Variants in CEP192 observed in about 807,000 individuals in gnomAD.
CEP192 encodes the protein centrosomal protein 192, also known as centrosomal protein of 192 kDa.
CEP192 carries 151 observed loss-of-function variants against 271.8 expected under a neutral mutation model. The ratio of observed to expected loss-of-function variants is 0.56; its 90% CI spans 0.49 to 0.64. The LOEUF (loss-of-function observed/expected upper bound fraction) is 0.64, where lower values mean the gene tolerates loss of function less well. CEP192 is among the 30% of genes least tolerant of loss of function. The pLI is 0.00. For synonymous variants in CEP192, 995 were observed against 1,076.5 expected (o/e 0.92, Z 1.48); for missense variants, 2,910 against 3,020.5 (o/e 0.96, Z 0.86).
intron 3 of CEP192, among the ~76,000 whole-genome samples, chr18:13,004,933 G>A (rs187505184): frequency 3.5e-4 from 54 of 152,240 alleles, no homozygotes; most frequent in Admixed American, 8.5e-4. Flanking sequence ...TTTAGGTTAA[G>A]GAGGAGGAGA....
Position 13,068,181 on chromosome 18 carries a change from C to G in CEP192, c.4702C>G (p.Arg1568Gly). The change falls in exon 23 of 45, where the codon CGG becomes GGG. Residue 1568 changes from arginine to glycine, a missense_variant. Transcript: ENST00000506447. The stretch of plus-strand genomic sequence containing the variant: ...TGCTCCTTGCGCTGATGTGGTCACT[C>G]GGCTAGCAGGCCCTTCTGTGGTCAA... ...EVAPCADVVT[R>G]LAGPSVVNHM... 3 of 1,614,212 alleles carry G rather than the reference C, an allele frequency of 1.9e-6. No individual in the cohort carries two copies. Among genetic ancestry groups the G allele is most frequent in the Non-Finnish European group, 2.5e-6 (3 of 1,180,030 alleles).
At chr18:13,110,570 G>A (rs898826401) in intron 40 of CEP192, among the ~76,000 whole-genome samples, 3 of 152,006 alleles carry the variant, frequency 2.0e-5, no homozygotes, top group African/African-American at 7.3e-5. Flanking sequence ...TTCTCCAGAG[G>A]GACAGAACTA....
chr18:13,117,566 G>A lies in CEP192; in HGVS notation c.7417-19G>A, dbSNP rs763594185. 1.9e-6 allele frequency: 3 copies of A among 1,553,050 alleles called. No homozygotes were observed. Among genetic ancestry groups the A allele is most frequent in the East Asian group, 2.2e-5 (1 of 44,598 alleles). ...TCTAATTTTCATAACTTTATAAAGT[G>A]TCTTCTATTAAATTCCAGCTGAAGT... is the stretch of plus-strand genomic sequence containing the variant. On this transcript the variant is annotated intron_variant, in intron 43 of 44. Coordinates refer to ENST00000506447, the MANE Select transcript of CEP192 (RefSeq NM_032142.4).
intron 21 of CEP192, among the ~76,000 whole-genome samples, chr18:13,061,350 C>A (rs763502325): frequency 6.6e-6 from 1 of 152,198 alleles, no homozygotes; most frequent in Non-Finnish European, 1.5e-5. Flanking sequence ...TTAGTTTTTT[C>A]ATTCCACAAA....
Position 13,001,477 on chromosome 18 carries a change from C to T in CEP192, c.185C>T (p.Ser62Phe). The change falls in exon 3 of 45, where the codon TCT becomes TTT. Residue 62 changes from serine (S) to phenylalanine (F), a missense_variant. Physicochemically the swap from Ser to Phe is radical, Grantham distance 155. Coordinates refer to ENST00000506447, the MANE Select transcript of CEP192 (RefSeq NM_032142.4). ...TATAGGTATCCTGATATCCAGGCAT[C>T]TTACTTAGTAGAAGGGAGATTTTCA... ...TDNRYPDIQA[S>F]YLVEGRFSVP... The T allele has an allele frequency of 6.5e-7, 1 of 1,546,798 alleles. No individual in the cohort carries two copies. The highest frequency in any genetic ancestry group is 8.7e-7 in the Non-Finnish European group (1 of 1,143,972).
intron 9 of CEP192, among the ~76,000 whole-genome samples, chr18:13,020,398 C>T (rs1228909689): frequency 6.6e-6 from 1 of 152,174 alleles, no homozygotes; most frequent in Non-Finnish European, 1.5e-5. Context: ...CATGTCGTAG[C>T]ATATATCAAC....
intron 30 of CEP192, among the ~76,000 whole-genome samples, chr18:13,074,126 G>A (rs1157789070): frequency 6.6e-6 from 1 of 151,986 alleles, no homozygotes; most frequent in African/African-American, 2.4e-5. Flanking sequence ...AGTGGGGCTG[G>A]GGCTCAAATT....
At chr18:13,014,990 T>C (rs2034561404) in intron 5 of CEP192, among the ~76,000 whole-genome samples, 1 of 152,202 alleles carries the variant, frequency 6.6e-6, no homozygotes, top group African/African-American at 2.4e-5. Context: ...CTAGCTTTGC[T>C]GTTATCTTCA....
intron 30 of CEP192, among the ~76,000 whole-genome samples, chr18:13,080,052 T>C (rs1216758521): frequency 6.6e-6 from 1 of 152,194 alleles, no homozygotes; most frequent in Non-Finnish European, 1.5e-5. Flanking sequence ...TGTAGTATAG[T>C]TTGAAGTCAG....
Position 13,017,198 on chromosome 18 carries a change from T to C in CEP192, c.651T>C (p.Ile217=). Residue 217 remains isoleucine (I), a synonymous_variant, in exon 7 of 45, where the codon ATT becomes ATC. Coordinates refer to ENST00000506447, the MANE Select transcript of CEP192 (RefSeq NM_032142.4). ...TSLEDSSDDD[I]DDEMFYDDHL... The stretch of plus-strand genomic sequence containing the variant: ...CGATTTTATCAATAGATGATGATAT[T>C]GATGATGAAATGTTTTATGATGATC... The C allele has an allele frequency of 1.9e-6, 3 of 1,544,276 alleles. No homozygotes were observed. The highest frequency in any genetic ancestry group is 2.6e-6 in the Non-Finnish European group (3 of 1,144,816).
rs1213017669 is a variant in CEP192 at position 13,008,547 on chromosome 18, C to G, written c.382C>G (p.Pro128Ala). The change falls in exon 4 of 45, where the codon CCA becomes GCA. Residue 128 changes from proline (P) to alanine (A), a missense_variant. Transcript: ENST00000506447. ...AGCTTTACAAATGGAGACAGCAGGA[C>G]CAGAAGAGGAGCCAGCCGGAGCTAC... ...QSALQMETAG[P>A]EEEPAGATES... is the part of the protein sequence containing the mutation. 2 of 1,551,306 alleles carry G rather than the reference C, an allele frequency of 1.3e-6. No homozygotes were observed. The highest frequency in any genetic ancestry group is 2.7e-5 in the African/African-American group (2 of 73,018).
intron 15 of CEP192, among the ~76,000 whole-genome samples, chr18:13,042,815 A>G (rs960510611): frequency 3.3e-5 from 5 of 152,160 alleles, no homozygotes; most frequent in African/African-American, 4.8e-5. Flanking sequence ...TGTTATATGA[A>G]TATTCTATTG....
At position 13,034,623 on chromosome 18, in the gene CEP192, T is replaced by C. The variant is rs1216264952; in HGVS notation, c.1535-2614T>C. Among the ~76,000 whole-genome samples the C allele has an allele frequency of 3.3e-5, 5 of 150,986 alleles. No individual in the cohort carries two copies. The East Asian group carries it at 9.7e-4, about 29-fold the overall frequency. ...GAGATCGAGACCATCCTGGCTAACA[T>C]GGTGAAACCCTGTCTCTACTAAAAA... On this transcript the variant is annotated intron_variant, in intron 11 of 44. Coordinates refer to ENST00000506447, the MANE Select transcript of CEP192 (RefSeq NM_032142.4).
intron 21 of CEP192, among the ~76,000 whole-genome samples, chr18:13,065,901 C>T (rs2037672163): frequency 6.6e-6 from 1 of 152,152 alleles, no homozygotes; most frequent in Non-Finnish European, 1.5e-5. Context: ...CCATCAAGTG[C>T]ATTTAGGTGA....
intron 3 of CEP192, among the ~76,000 whole-genome samples, chr18:13,006,953 A>G (rs2034019777): frequency 6.6e-6 from 1 of 152,096 alleles, no homozygotes; most frequent in Non-Finnish European, 1.5e-5. Context: ...TGGAGTGGGA[A>G]AGAAGGGTGG....
At position 13,049,577 on chromosome 18, in the gene CEP192, A is replaced by C; in HGVS notation, c.2786A>C (p.Asp929Ala). 1 of 1,614,056 alleles carries C rather than the reference A, an allele frequency of 6.2e-7. No individual in the cohort carries two copies. Among genetic ancestry groups the C allele is most frequent in the African/African-American group, 1.3e-5 (1 of 75,008 alleles). Residue 929 changes from aspartate (D) to alanine (A), a missense_variant, in exon 16 of 45, where the codon GAT (aspartate) becomes GCT (alanine). Asp to Ala is a moderately radical substitution (Grantham distance 126, BLOSUM62 -2). Transcript: ENST00000506447. The stretch of plus-strand genomic sequence containing the variant: ...TTAAAAGACTGTGAAGAAATACGAG[A>C]TAACAGAGAAAATCAGAGGCAAAAT... ...CLLKDCEEIR[D>A]NRENQRQNEC...
chr18:13,122,892 AC>A (rs2040738668), intron 44 of CEP192, among the ~76,000 whole-genome samples: 1 of 152,294 alleles, frequency 6.6e-6, no homozygotes, highest in East Asian at 1.9e-4. Context: ...TAATAGTATT[AC>A]AAAGTACTTT....
At position 13,057,678 on chromosome 18, in the gene CEP192, A is replaced by G; in HGVS notation, c.4202A>G (p.Asp1401Gly). 1 of 1,614,062 alleles carries G rather than the reference A, an allele frequency of 6.2e-7. No individual in the cohort carries two copies. Among genetic ancestry groups the G allele is most frequent in the Non-Finnish European group, 8.5e-7 (1 of 1,179,988 alleles). ...QTLLSVLNPT[D>G]RWLQVSIGVL... ...CTCCTCAGTGTGCTTAATCCAACTG[A>G]CCGCTGGCTGCAAGTCAGCATTGGG... The change falls in exon 20 of 45, where the codon GAC becomes GGC. Residue 1401 changes from aspartate to glycine, a missense_variant. Coordinates refer to ENST00000506447, the MANE Select transcript of CEP192 (RefSeq NM_032142.4).
Position 13,068,918 on chromosome 18 carries a change from C to T in CEP192, c.4889C>T (p.Thr1630Met), listed in dbSNP as rs749692097. 9.3e-6 allele frequency: 15 copies of T among 1,614,012 alleles called. No homozygotes were observed. The highest frequency in any genetic ancestry group is 2.7e-5 in the African/African-American group (2 of 74,916). Residue 1630 changes from threonine (T) to methionine (M), a missense_variant, in exon 25 of 45, where the codon ACG (threonine) becomes ATG (methionine). Coordinates refer to ENST00000506447, the MANE Select transcript of CEP192 (RefSeq NM_032142.4). ...VDIEVDSPNP[T>M]PVLRSVSLRA... ...ATCGAAGTTGACAGCCCAAACCCTA[C>T]GCCCGTTCTTAGAAGTGTGAGTCTC...
Sources: gnomAD v4.1 joint callset for allele counts (sites outside exome capture counted in the v4.1 genomes callset) on GRCh38, gnomAD v4.1.1 for gene constraint, MANE v1.5 for transcripts, NCBI Gene and HGNC (gene_info 2026-07-23, HGNC 2026-07-21) for gene names.